Variants in PLPP3 observed in about 807,000 individuals in gnomAD.
PLPP3 encodes PAP2 beta.
In PLPP3, 6 loss-of-function variants were observed where a neutral mutation model predicts 29.6. The ratio of observed to expected loss-of-function variants is 0.20; its 90% confidence interval spans 0.11 to 0.40. The LOEUF (loss-of-function observed/expected upper bound fraction) is 0.40. Among genes scored for constraint, PLPP3 ranks in the 10% least tolerant of loss-of-function variants. The pLI is 1.00. For missense variants in PLPP3, 308 were observed against 407.7 expected (o/e 0.76, Z 2.11); for synonymous variants, 152 against 159.7 (o/e 0.95, Z 0.36).
At chr1:56,569,148 C>G (rs1646181134) in intron 1 of PLPP3, among the ~76,000 whole-genome samples, 1 of 151,968 alleles carries the variant, frequency 6.6e-6, no homozygotes, top group Non-Finnish European at 1.5e-5. Flanking sequence ...TTGTATTTTT[C>G]TTACATACTG....
chr1:56,530,813 C>T (rs1645882941), intron 2 of PLPP3, among the ~76,000 whole-genome samples: 1 of 152,156 alleles, frequency 6.6e-6, no homozygotes, highest in African/African-American at 2.4e-5. Flanking sequence ...TTGTCTACTC[C>T]CTTATATTCC....
intron 1 of PLPP3, among the ~76,000 whole-genome samples, chr1:56,571,635 C>CT (rs1646199261): frequency 6.6e-6 from 1 of 152,102 alleles, no homozygotes; most frequent in African/African-American, 2.4e-5. Flanking sequence ...TACAGAGAAG[C>CT]TTATTCATCA....
intron 1 of PLPP3, among the ~76,000 whole-genome samples, chr1:56,561,090 G>A (rs944420619): frequency 9.4e-5 from 14 of 149,254 alleles, no homozygotes; most frequent in East Asian, 2.0e-4. Context: ...CTTGTGATCC[G>A]CCCGCCTCAG....
At chr1:56,575,188 C>T (rs1303984051) in intron 1 of PLPP3, among the ~76,000 whole-genome samples, 1 of 152,132 alleles carries the variant, frequency 6.6e-6, no homozygotes, top group East Asian at 1.9e-4. Flanking sequence ...AGTCATTTTG[C>T]AGGTGGAAAA....
chr1:56,498,637 T>G (rs1279076482), intron 5 of PLPP3, among the ~76,000 whole-genome samples: 2 of 148,430 alleles, frequency 1.3e-5, no homozygotes, highest in African/African-American at 2.5e-5. Flanking sequence ...ATCACTACTT[T>G]CTTTTTTTTT....
chr1:56,544,129 A>G (rs537043824), intron 1 of PLPP3, among the ~76,000 whole-genome samples: 33 of 152,344 alleles, frequency 2.2e-4, no homozygotes, highest in African/African-American at 7.5e-4. Context: ...AGAACTTTGG[A>G]TGTCCTTTCT....
intron 1 of PLPP3, among the ~76,000 whole-genome samples, chr1:56,547,744 C>T (rs545463991): frequency 2.0e-5 from 3 of 152,276 alleles, no homozygotes; most frequent in African/African-American, 7.2e-5. Context: ...ACCCCTAACC[C>T]ATTTGCTGGG....
intron 1 of PLPP3, among the ~76,000 whole-genome samples, chr1:56,553,931 A>G (rs1646056459): frequency 6.6e-6 from 1 of 152,180 alleles, no homozygotes; most frequent in Non-Finnish European, 1.5e-5. Context: ...ACTCTTATGA[A>G]TATGGAATGA....
intron 5 of PLPP3, among the ~76,000 whole-genome samples, chr1:56,504,330 T>C (rs1645687584): frequency 6.6e-6 from 1 of 152,066 alleles, no homozygotes; most frequent in Non-Finnish European, 1.5e-5. Flanking sequence ...GCAATACTGA[T>C]GGAGAACAGG....
rs909685116 is a variant in PLPP3 at position 56,557,551 on chromosome 1, T to A, written c.140-20439A>T. ...ATACAGTAGGCAGTTGATACACGTA[T>A]AATTAAGTGGGTGAATGAATGCACT... On this transcript the variant is annotated intron_variant, in intron 1 of 5. Coordinates refer to ENST00000371250, the MANE Select transcript of PLPP3 (RefSeq NM_003713.5). Among the ~76,000 whole-genome samples the A allele has an allele frequency of 2.0e-5, 3 of 152,292 alleles. No homozygotes were observed. In the South Asian group the frequency reaches 6.2e-4, roughly 32 times the overall value.
At chr1:56,548,865 C>A (rs1348851419) in intron 1 of PLPP3, among the ~76,000 whole-genome samples, 2 of 151,518 alleles carry the variant, frequency 1.3e-5, no homozygotes, top group African/African-American at 4.9e-5. Context: ...CATTTGAATG[C>A]CAATTGGTAT....
chr1:56,554,838 C>T (rs1404327557), intron 1 of PLPP3, among the ~76,000 whole-genome samples: 2 of 152,100 alleles, frequency 1.3e-5, no homozygotes, highest in Non-Finnish European at 2.9e-5. Context: ...TCTTAGCACT[C>T]CACATTGGTT....
At chr1:56,559,849 T>G (rs1646109446) in intron 1 of PLPP3, among the ~76,000 whole-genome samples, 1 of 152,188 alleles carries the variant, frequency 6.6e-6, no homozygotes, top group Non-Finnish European at 1.5e-5. Flanking sequence ...GAACTTTTGA[T>G]GCTTGTCCCC....
intron 2 of PLPP3, among the ~76,000 whole-genome samples, chr1:56,535,507 T>G (rs1431805049): frequency 6.6e-6 from 1 of 152,188 alleles, no homozygotes; most frequent in Non-Finnish European, 1.5e-5. Flanking sequence ...CCACAGCACA[T>G]GACTGCTTCA....
At chr1:56,564,965 C>A (rs1402963605) in intron 1 of PLPP3, among the ~76,000 whole-genome samples, 1 of 152,240 alleles carries the variant, frequency 6.6e-6, no homozygotes, top group Non-Finnish European at 1.5e-5. Flanking sequence ...TGTGCACTTG[C>A]TTCCAAGGAA....
At chr1:56,525,414 T>C (rs575236073) in intron 2 of PLPP3, among the ~76,000 whole-genome samples, 14 of 152,328 alleles carry the variant, frequency 9.2e-5, no homozygotes, top group Non-Finnish European at 1.3e-4. Flanking sequence ...ATCTATGATA[T>C]GATGCTTAGA....
chr1:56,500,475 T>C (rs1031057333), intron 5 of PLPP3, among the ~76,000 whole-genome samples: 2 of 152,132 alleles, frequency 1.3e-5, no homozygotes, highest in African/African-American at 4.8e-5. Context: ...TAGGATGTTA[T>C]AGGCAAAGGG....
chr1:56,540,036 G>T (rs1204066094), intron 1 of PLPP3, among the ~76,000 whole-genome samples: 1 of 152,048 alleles, frequency 6.6e-6, no homozygotes, highest in Non-Finnish European at 1.5e-5. Flanking sequence ...TAAAACATAT[G>T]TTTCTATGGA....
intron 1 of PLPP3, among the ~76,000 whole-genome samples, chr1:56,538,065 C>G (rs1645940103): frequency 1.3e-5 from 2 of 152,202 alleles, no homozygotes; most frequent in African/African-American, 4.8e-5. Context: ...CAGATAGCCA[C>G]CAGTTTGCTT....
Sources: allele counts gnomAD v4.1 joint callset (sites outside exome capture counted in the v4.1 genomes callset), GRCh38; gene constraint gnomAD v4.1.1; transcripts MANE v1.5; gene names NCBI Gene and HGNC (gene_info 2026-07-23, HGNC 2026-07-21).